The following FBLN7 variants were observed in gnomAD, a reference collection of about 807,000 sequenced individuals.
FBLN7 encodes the protein fibulin 7.
FBLN7 carries 31 observed loss-of-function variants against 44.0 expected under a neutral mutation model. That is an observed-to-expected ratio of 0.70 (90% confidence interval 0.53 to 0.95). FBLN7 has a LOEUF of 0.95. Ranked by LOEUF, FBLN7 falls within the 40% of genes least tolerant of loss-of-function variation. The pLI is 0.00. For missense variants in FBLN7, 573 were observed against 618.5 expected (o/e 0.93, Z 0.78); for synonymous variants, 262 against 253.4 (o/e 1.03, Z -0.32).
intron 1 of FBLN7, among the ~76,000 whole-genome samples, chr2:112,155,360 A>T (rs1681360485): frequency 6.6e-6 from 1 of 152,158 alleles, no homozygotes; most frequent in African/African-American, 2.4e-5. Flanking sequence ...CCCTGTTAGG[A>T]GCAGCTGCAG....
chr2:112,236,128 G>A, the FBLN7 span, among the ~76,000 whole-genome samples: 2 of 152,000 alleles, frequency 1.3e-5, no homozygotes, highest in Non-Finnish European at 2.9e-5. Flanking sequence ...GCCGGGCATG[G>A]TGGCGGGCGC....
chr2:112,160,780 A>G (rs1295947461), intron 2 of FBLN7, among the ~76,000 whole-genome samples: 2 of 142,220 alleles, frequency 1.4e-5, no homozygotes, highest in African/African-American at 2.7e-5. Flanking sequence ...GCAGACGCAC[A>G]CGCACGCACA....
the FBLN7 span, among the ~76,000 whole-genome samples, chr2:112,236,224 A>C: frequency 6.6e-6 from 1 of 152,224 alleles, no homozygotes; most frequent in Non-Finnish European, 1.5e-5. Flanking sequence ...AGATCGCACC[A>C]GCCTGGGTTA....
Position 112,187,586 on chromosome 2 carries a change from T to G in FBLN7, c.*80T>G. 6.5e-7 allele frequency: 1 copy of G among 1,549,440 alleles called. No homozygotes were observed. On this transcript the variant is annotated 3_prime_UTR_variant, in exon 8 of 8. Coordinates refer to ENST00000331203, the MANE Select transcript of FBLN7 (RefSeq NM_153214.3). This position sits in a 1 kb window ranked among gnomAD's most constrained non-coding sequence, Gnocchi z 5.1. Reference sequence around the variant, plus strand: ...GGCTCAGCTTCGGGCACCGACTGCGTGGAGCCTCCCGCCTGTTCCCGCCCT... The same window carrying G: ...GGCTCAGCTTCGGGCACCGACTGCGGGGAGCCTCCCGCCTGTTCCCGCCCT...
chr2:112,240,978 TGTGTGTGC>T, the FBLN7 span, among the ~76,000 whole-genome samples: 4 of 143,750 alleles, frequency 2.8e-5, no homozygotes, highest in African/African-American at 1.1e-4. Flanking sequence ...TGTGTGTGTG[TGTGTGTGC>T]GCGTGTGTAT....
chr2:112,159,907 T>G (rs1681642147), intron 2 of FBLN7, 72 bp downstream of exon 2: 3 of 1,333,530 alleles, frequency 2.2e-6, no homozygotes, highest in Admixed American at 3.6e-5. Flanking sequence ...CGCTCCCAGC[T>G]GGAGGCCCCT....
rs1265686952 is a variant in FBLN7 at position 112,181,761 on chromosome 2, C to T, written c.555C>T (p.Ala185=). ...AQTAAPEGSV[A]GDSAFSRAPR... ...CAGCCGCCCCCGAGGGCAGCGTGGC[C>T]GGCGACTCCGCCTTCAGCCGCGCGC... The change falls in exon 5 of 8, where the codon GCC becomes GCT. Residue 185 remains alanine, a synonymous_variant. Transcript: ENST00000331203. 7.1e-7 allele frequency: 1 copy of T among 1,407,308 alleles called. No individual in the cohort carries two copies. The highest frequency in any genetic ancestry group is 9.2e-7 in the Non-Finnish European group (1 of 1,087,608). 87.2% of individuals were successfully genotyped at this position (1,407,308 alleles called of 1,614,324 possible).
In FBLN7 at chr2:112,182,844, C is replaced by T; in HGVS notation, c.724C>T (p.His242Tyr). Reference protein sequence around the residue: ...GQEGRPRLCMHACVNTPGSYR... With the variant: ...GQEGRPRLCMYACVNTPGSYR... ...GGAGGGGCGCCCCCGGCTCTGCATG[C>T]ACGCCTGCGTGAACACCCCGGGCTC... The change falls in exon 6 of 8, where the codon CAC becomes TAC. Residue 242 changes from histidine to tyrosine, a missense_variant. Physicochemically the swap from His to Tyr is moderately conservative, Grantham distance 83. Transcript: ENST00000331203. 1.9e-6 allele frequency: 3 copies of T among 1,612,730 alleles called. No individual in the cohort carries two copies. Among genetic ancestry groups the T allele is most frequent in the Non-Finnish European group, 2.5e-6 (3 of 1,179,712 alleles).
intron 3 of FBLN7, among the ~76,000 whole-genome samples, chr2:112,166,469 T>C (rs972220438): frequency 6.6e-6 from 1 of 152,302 alleles, no homozygotes; most frequent in South Asian, 2.1e-4. Context: ...GAATCACATT[T>C]ACAATTTAGG....
chr2:112,186,366 A>G (rs1459520624), intron 7 of FBLN7, among the ~76,000 whole-genome samples: 1 of 152,234 alleles, frequency 6.6e-6, no homozygotes, highest in Admixed American at 6.5e-5. Context: ...ATGGCCAGGC[A>G]CAGTGGCTTA....
At chr2:112,230,923 T>C in the FBLN7 span, 2 of 1,281,710 alleles carry the variant, frequency 1.6e-6, no homozygotes, top group South Asian at 1.5e-5. Flanking sequence ...CTATTTTATT[T>C]ACATGACTTC....
At chr2:112,157,195 C>A (rs1681475189) in intron 1 of FBLN7, among the ~76,000 whole-genome samples, 1 of 151,988 alleles carries the variant, frequency 6.6e-6, no homozygotes, top group South Asian at 2.1e-4. Flanking sequence ...CATGGCGAAG[C>A]CCCGTCTCTA....
At chr2:112,240,992 T>A in the FBLN7 span, among the ~76,000 whole-genome samples, 2 of 143,736 alleles carry the variant, frequency 1.4e-5, no homozygotes, top group Non-Finnish European at 3.1e-5. Flanking sequence ...TGTGCGCGTG[T>A]GTATGTGTGT....
Position 112,138,535 on chromosome 2 carries a change from C to CGCGCCCCAGT in FBLN7, c.-121_-120insGCGCCCCAGT. 1 of 1,380,362 alleles carries CGCGCCCCAGT rather than the reference C, an allele frequency of 7.2e-7. No individual in the cohort carries two copies. The highest frequency in any genetic ancestry group is 1.3e-5 in the South Asian group (1 of 76,788). The allele number at this position is 1,380,362 out of a possible 1,614,324, so 85.5% of individuals were successfully genotyped here. ...CCTCCCGCCTCCCCCCCTGCCCCAG[C>CGCGCCCCAGT]CGCCCCCCGGCCGCGCGGCGCCCCG... is the stretch of plus-strand genomic sequence containing the variant. On this transcript the variant is annotated 5_prime_UTR_variant, in exon 1 of 8. Transcript: ENST00000331203.
chr2:112,243,425 T>C, the FBLN7 span, among the ~76,000 whole-genome samples: 4 of 152,204 alleles, frequency 2.6e-5, no homozygotes, highest in Non-Finnish European at 4.4e-5. Flanking sequence ...GGTGAACTGA[T>C]ATCAGTATTG....
chr2:112,235,163 A>T, the FBLN7 span, among the ~76,000 whole-genome samples: 1 of 152,268 alleles, frequency 6.6e-6, no homozygotes, highest in East Asian at 1.9e-4. Context: ...AAATTTTTGC[A>T]TACAGTTTTA....
intron 3 of FBLN7, among the ~76,000 whole-genome samples, chr2:112,170,952 C>G (rs1682426359): frequency 1.3e-5 from 2 of 152,216 alleles, no homozygotes; most frequent in Admixed American, 1.3e-4. Flanking sequence ...GAGGAGAAAT[C>G]AAGGCTCCCA....
chr2:112,185,534 TAAG>T (rs758023645), intron 7 of FBLN7, among the ~76,000 whole-genome samples, 195 bp downstream of exon 7: 16 of 152,170 alleles, frequency 1.1e-4, no homozygotes, highest in South Asian at 4.2e-4. Context: ...TCTGGAGAAA[TAAG>T]AACCCCATTC....
the FBLN7 span, among the ~76,000 whole-genome samples, chr2:112,219,065 C>G: frequency 3.9e-5 from 6 of 152,108 alleles, no homozygotes; most frequent in Non-Finnish European, 8.8e-5. Context: ...CTATCAAATT[C>G]AAATTGATGT....
Sources: gnomAD v4.1 joint callset for allele counts (sites outside exome capture counted in the v4.1 genomes callset) on GRCh38, gnomAD v4.1.1 for gene constraint, Gnocchi (gnomAD v3.1) non-coding constraint, MANE v1.5 for transcripts, NCBI Gene and HGNC (gene_info 2026-07-23, HGNC 2026-07-21) for gene names.